CAMKMT: variants seen among roughly 807,000 people sequenced by gnomAD.
The protein encoded by CAMKMT is calmodulin-lysine N-methyltransferase, also known as CaM KMT.
A neutral mutation model predicts 48.0 loss-of-function variants in CAMKMT; 53 were observed. The ratio of observed to expected loss-of-function variants is 1.10; its 90% confidence interval spans 0.89 to 1.39. CAMKMT has a LOEUF of 1.39. CAMKMT is among the 40% of genes most tolerant of loss of function. CAMKMT has a pLI of 0.00. For missense variants in CAMKMT, 428 were observed against 402.7 expected (o/e 1.06, Z -0.54); for synonymous variants, 165 against 152.3 (o/e 1.08, Z -0.61).
At chr2:44,588,299 A>G (rs1389035491) in intron 3 of CAMKMT, among the ~76,000 whole-genome samples, 16 of 55,236 alleles carry the variant, frequency 2.9e-4, no homozygotes, top group Admixed American at 1.1e-3. Context: ...CCCGTCCGGG[A>G]GGGAGGGGGG....
At chr2:44,372,690 C>A in intron 1 of CAMKMT, 26 bp from the exon 2 acceptor site, 1 of 1,599,982 alleles carries the variant, frequency 6.3e-7, no homozygotes, top group Non-Finnish European at 8.5e-7. Flanking sequence ...GATAACATGA[C>A]TGCAATATTT....
intron 3 of CAMKMT, among the ~76,000 whole-genome samples, chr2:44,638,751 G>A (rs1673286025): frequency 6.6e-6 from 1 of 152,232 alleles, no homozygotes; most frequent in African/African-American, 2.4e-5. Context: ...AAATAGACAA[G>A]TAGGAGGCAT....
intron 3 of CAMKMT, among the ~76,000 whole-genome samples, chr2:44,608,104 G>A (rs1439411238): frequency 8.8e-6 from 1 of 113,552 alleles, no homozygotes; most frequent in Admixed American, 1.2e-4. Context: ...ACGGAGTCTT[G>A]CTCCGTCGCC....
chr2:44,441,986 A>G (rs1392119714), intron 3 of CAMKMT, among the ~76,000 whole-genome samples: 1 of 152,174 alleles, frequency 6.6e-6, no homozygotes, highest in African/African-American at 2.4e-5. Context: ...AGAGCAAAAG[A>G]GGCTGCCCGA....
intron 3 of CAMKMT, among the ~76,000 whole-genome samples, chr2:44,469,544 ATGTT>A (rs1668308583): frequency 1.3e-5 from 2 of 151,990 alleles, no homozygotes; most frequent in South Asian, 4.2e-4. Flanking sequence ...TCTTACATGT[ATGTT>A]AAATCTTCTT....
At chr2:44,388,496 C>T (rs751143987) in intron 2 of CAMKMT, among the ~76,000 whole-genome samples, 1 of 152,126 alleles carries the variant, frequency 6.6e-6, no homozygotes, top group East Asian at 1.9e-4. Flanking sequence ...CTCCTGAATT[C>T]TTTTTCAGGT....
chr2:44,453,582 T>C (rs528224330), intron 3 of CAMKMT, among the ~76,000 whole-genome samples: 1 of 152,246 alleles, frequency 6.6e-6, no homozygotes, highest in African/African-American at 2.4e-5. Flanking sequence ...AGTGGGATAA[T>C]TTTTGTCATC....
chr2:44,439,241 A>G (rs1666484683), intron 3 of CAMKMT, among the ~76,000 whole-genome samples: 1 of 152,094 alleles, frequency 6.6e-6, no homozygotes, highest in Non-Finnish European at 1.5e-5. Context: ...ATTATACTAC[A>G]TTCTTTCTCG....
At chr2:44,377,677 A>C (rs1572678525) in intron 2 of CAMKMT, among the ~76,000 whole-genome samples, 3 of 152,314 alleles carry the variant, frequency 2.0e-5, no homozygotes, top group African/African-American at 7.2e-5. Context: ...TTTGAAGAAG[A>C]CTACTGTTAC....
chr2:44,634,172 A>G (rs776739216), intron 3 of CAMKMT, among the ~76,000 whole-genome samples: 3 of 152,068 alleles, frequency 2.0e-5, no homozygotes, highest in Non-Finnish European at 4.4e-5. Context: ...CAAAGATTCA[A>G]GGAAGACTCT....
At chr2:44,525,483 T>A (rs6723788) in intron 3 of CAMKMT, among the ~76,000 whole-genome samples, 98 of 152,050 alleles carry the variant, frequency 6.4e-4, no homozygotes, top group African/African-American at 2.1e-3. Flanking sequence ...CTCGATCTCC[T>A]GACCTCGTGA....
chr2:44,565,877 T>C (rs1047048248), intron 3 of CAMKMT, among the ~76,000 whole-genome samples: 1 of 152,206 alleles, frequency 6.6e-6, no homozygotes, highest in Admixed American at 6.5e-5. Context: ...AAGTTGATGA[T>C]GCTATTTCAG....
chr2:44,765,629 T>A (rs1025045952), intron 9 of CAMKMT, among the ~76,000 whole-genome samples: 1 of 152,148 alleles, frequency 6.6e-6, no homozygotes, highest in African/African-American at 2.4e-5. Context: ...ATGGTCATTG[T>A]GAAGTTTCAT....
intron 3 of CAMKMT, among the ~76,000 whole-genome samples, chr2:44,608,489 A>G (rs1409623449): frequency 1.3e-5 from 2 of 152,306 alleles, no homozygotes; most frequent in African/African-American, 2.4e-5. Flanking sequence ...TAATCAGATC[A>G]GGTATTATCG....
At position 44,627,450 on chromosome 2, in the gene CAMKMT, A is replaced by C. The variant is rs75562582; in HGVS notation, c.377-76833A>C. 1.7e-3 allele frequency among the ~76,000 whole-genome samples: 253 copies of C among 152,246 alleles called. 1 individual carries two copies. Among genetic ancestry groups the C allele is most frequent in the African/African-American group, 5.8e-3 (242 of 41,564 alleles). On this transcript the variant is annotated intron_variant, in intron 3 of 10. Coordinates refer to ENST00000378494, the MANE Select transcript of CAMKMT (RefSeq NM_024766.5). ...TCTTATGTTTTCTGAAAAAATTTAC[A>C]GAAAATTGCTAGTAATTCTTCCCTT...
At chr2:44,378,873 C>T (rs1007682989) in intron 2 of CAMKMT, among the ~76,000 whole-genome samples, 1 of 152,166 alleles carries the variant, frequency 6.6e-6, no homozygotes, top group Non-Finnish European at 1.5e-5. Flanking sequence ...CACTCTCTGG[C>T]TTACTTTGTA....
At chr2:44,391,074 C>T (rs1681290637) in intron 3 of CAMKMT, among the ~76,000 whole-genome samples, 1 of 152,092 alleles carries the variant, frequency 6.6e-6, no homozygotes, top group Admixed American at 6.6e-5. Flanking sequence ...AAATAGTACT[C>T]ATACTCTTTT....
chr2:44,665,739 A>G (rs886571949), intron 3 of CAMKMT, among the ~76,000 whole-genome samples: 2 of 152,218 alleles, frequency 1.3e-5, no homozygotes, highest in African/African-American at 2.4e-5. Flanking sequence ...TCTTACATTT[A>G]TATTCCCTGT....
At chr2:44,578,913 T>C (rs1046659871) in intron 3 of CAMKMT, among the ~76,000 whole-genome samples, 1 of 152,200 alleles carries the variant, frequency 6.6e-6, no homozygotes, top group African/African-American at 2.4e-5. Flanking sequence ...CTGTTAGCAC[T>C]GATTAAAAGT....
Sources: allele counts gnomAD v4.1 joint callset (sites outside exome capture counted in the v4.1 genomes callset), GRCh38; gene constraint gnomAD v4.1.1; transcripts MANE v1.5; gene names NCBI Gene and HGNC (gene_info 2026-07-23, HGNC 2026-07-21).